The following ALK variants were observed in gnomAD, a reference collection of about 807,000 sequenced individuals.
The protein encoded by ALK is ALK tyrosine kinase receptor.
In ALK, 74 loss-of-function variants were observed where a neutral mutation model predicts 163.1. That is an observed-to-expected ratio of 0.45 (90% CI 0.38 to 0.55). The LOEUF is 0.55. ALK is among the 20% of genes least tolerant of loss of function. The pLI, the probability that ALK is intolerant of heterozygous loss-of-function variation, is 0.00. For missense variants in ALK, 2,063 were observed against 2,105.3 expected, an observed-to-expected ratio of 0.98 and a Z score of 0.39; for synonymous variants, 960 against 843.2, an observed-to-expected ratio of 1.14 and a Z score of -2.40.
chr2:29,517,920 A>C (rs1224292528), intron 4 of ALK, among the ~76,000 whole-genome samples: 2 of 152,134 alleles, frequency 1.3e-5, no homozygotes, highest in African/African-American at 4.8e-5. Flanking sequence ...CTCCTCCTTC[A>C]CCTGTCTTTA....
chr2:29,657,114 C>A lies in ALK; in HGVS notation c.952+37736G>T, dbSNP rs139094918. 3.1e-3 allele frequency among the ~76,000 whole-genome samples: 472 copies of A among 152,140 alleles called. 4 individuals are homozygous for A. The highest frequency in any genetic ancestry group is 0.011 in the African/African-American group (456 of 41,502). On this transcript the variant is annotated intron_variant, in intron 3 of 28. Transcript: ENST00000389048. The stretch of plus-strand genomic sequence containing the variant: ...TTTGTGATCCAGTGCCCTTGCCCTG[C>A]CACCCACTTCTTGGTGGCTTTAAGC...
At chr2:29,767,309 G>A (rs887006678) in intron 1 of ALK, among the ~76,000 whole-genome samples, 5 of 152,222 alleles carry the variant, frequency 3.3e-5, no homozygotes, top group Admixed American at 2.6e-4. Context: ...TAAAGGCAGA[G>A]CAGGGATAAA....
chr2:29,586,565 C>T (rs1427117620), intron 3 of ALK, among the ~76,000 whole-genome samples: 1 of 152,108 alleles, frequency 6.6e-6, no homozygotes, highest in East Asian at 1.9e-4. Flanking sequence ...AGGCCCATGA[C>T]AATATATTAA....
intron 24 of ALK, 53 bp downstream of exon 24, chr2:29,213,931 A>G (rs772324546): frequency 4.1e-6 from 6 of 1,459,876 alleles, no homozygotes; most frequent in Non-Finnish European, 5.8e-6. Flanking sequence ...TCTGCGGGGA[A>G]GCACACAGAT....
chr2:29,780,197 T>A (rs1484093304), intron 1 of ALK, among the ~76,000 whole-genome samples: 1 of 152,206 alleles, frequency 6.6e-6, no homozygotes, highest in Admixed American at 6.5e-5. Context: ...CAACTCAGGC[T>A]CTTCAGCAAC....
At chr2:29,592,251 C>A (rs1573483248) in intron 3 of ALK, among the ~76,000 whole-genome samples, 2 of 152,140 alleles carry the variant, frequency 1.3e-5, no homozygotes, top group Non-Finnish European at 1.5e-5. Flanking sequence ...TACCACCAGG[C>A]CCACCCTAGC....
intron 11 of ALK, among the ~76,000 whole-genome samples, chr2:29,267,116 C>G (rs918799309): frequency 2.2e-4 from 33 of 152,000 alleles, no homozygotes; most frequent in Non-Finnish European, 2.9e-5. Flanking sequence ...CCCACCCCCT[C>G]GTCCCCACAC....
chr2:29,232,219 G>T (rs1664230750), intron 15 of ALK, 85 bp downstream of exon 15: 3 of 1,569,348 alleles, frequency 1.9e-6, no homozygotes, highest in South Asian at 2.2e-5. Context: ...CAGTGACTAA[G>T]ATGCCCTCAG....
At chr2:29,848,615 G>T (rs1039595363) in intron 1 of ALK, among the ~76,000 whole-genome samples, 1 of 152,262 alleles carries the variant, frequency 6.6e-6, no homozygotes, top group South Asian at 2.1e-4. Context: ...ATGGAAAGAG[G>T]GGTAGGCTCT....
intron 5 of ALK, among the ~76,000 whole-genome samples, chr2:29,379,174 G>C (rs984081179): frequency 2.0e-4 from 31 of 152,278 alleles, no homozygotes; most frequent in Non-Finnish European, 4.1e-4. Flanking sequence ...ATGGGCTAAG[G>C]GTTCCCTGGG....
intron 4 of ALK, among the ~76,000 whole-genome samples, chr2:29,435,655 A>T (rs1007685498): frequency 6.6e-6 from 1 of 151,926 alleles, no homozygotes; most frequent in African/African-American, 2.4e-5. Flanking sequence ...TAGAGCTAAG[A>T]TTTGAATACA....
intron 11 of ALK, among the ~76,000 whole-genome samples, chr2:29,272,185 G>GGAGAGGGA (rs1553402259): frequency 6.9e-6 from 1 of 145,154 alleles, no homozygotes; most frequent in Non-Finnish European, 1.5e-5. Context: ...GTCGGGTGAG[G>GGAGAGGGA]GAGAGAGAGA....
intron 4 of ALK, among the ~76,000 whole-genome samples, chr2:29,425,967 CAA>C (rs749787126): frequency 3.9e-5 from 6 of 152,126 alleles, no homozygotes; most frequent in Non-Finnish European, 8.8e-5. Flanking sequence ...AAAAAACCTT[CAA>C]AGAGTGGCCT....
Position 29,193,899 on chromosome 2 carries a change from A to C in ALK, c.4188T>G (p.Ala1396=). 6.2e-7 allele frequency: 1 copy of C among 1,614,192 alleles called. No homozygotes were observed. The highest frequency in any genetic ancestry group is 8.5e-7 in the Non-Finnish European group (1 of 1,180,030). Residue 1396 remains alanine (A), a synonymous_variant, in exon 29 of 29, where the codon GCT becomes GCG. Transcript: ENST00000389048. ...CTQDPDVINT[A]LPIEYGPLVE... ...CAAGTGGACCATATTCTATCGGCAAAGCGGTGTTGATTACATCCGGGTCCT... is the reference window on the plus strand; with the variant it reads ...CAAGTGGACCATATTCTATCGGCAACGCGGTGTTGATTACATCCGGGTCCT...
intron 23 of ALK, among the ~76,000 whole-genome samples, chr2:29,215,707 G>C (rs951128154): frequency 5.1e-4 from 2 of 3,944 alleles, no homozygotes; most frequent in Non-Finnish European, 2.1e-3. Flanking sequence ...TGGAGCGTAT[G>C]TATGTGACTA....
chr2:29,680,326 T>G (rs539326344), intron 3 of ALK, among the ~76,000 whole-genome samples: 2 of 152,254 alleles, frequency 1.3e-5, no homozygotes, highest in East Asian at 3.9e-4. Context: ...TTATAACACT[T>G]CATGTTGTCC....
At chr2:29,256,955 G>C (rs1051682468) in intron 11 of ALK, among the ~76,000 whole-genome samples, 1 of 152,200 alleles carries the variant, frequency 6.6e-6, no homozygotes, top group African/African-American at 2.4e-5. Context: ...GAAGCAGAGA[G>C]AGACTGTGTC....
At chr2:29,359,341 C>T (rs137924952) in intron 5 of ALK, among the ~76,000 whole-genome samples, 1 of 152,298 alleles carries the variant, frequency 6.6e-6, no homozygotes, top group East Asian at 1.9e-4. Context: ...ACACCTCCAC[C>T]CACTTTAAGT....
At chr2:29,610,101 G>C (rs1675650360) in intron 3 of ALK, among the ~76,000 whole-genome samples, 1 of 152,184 alleles carries the variant, frequency 6.6e-6, no homozygotes, top group South Asian at 2.1e-4. Context: ...ACCCAGAAAA[G>C]AGCATTTAGT....
Sources: allele counts gnomAD v4.1 joint callset (sites outside exome capture counted in the v4.1 genomes callset), GRCh38; gene constraint gnomAD v4.1.1; transcripts MANE v1.5; gene names NCBI Gene and HGNC (gene_info 2026-07-23, HGNC 2026-07-21).